FRK: variants seen among roughly 807,000 people sequenced by gnomAD.
The protein encoded by FRK is tyrosine-protein kinase FRK.
In FRK, 51 loss-of-function variants were observed where a neutral mutation model predicts 56.4. That is an observed-to-expected ratio of 0.90 (90% CI 0.72 to 1.14). The LOEUF is 1.14. Ranked by LOEUF, FRK falls within the 50% of genes most tolerant of loss-of-function variation. The pLI, the probability that FRK is intolerant of heterozygous loss-of-function variation, is 0.00. For synonymous variants in FRK, 245 were observed against 217.9 expected (o/e 1.12, Z -1.10); for missense variants, 570 against 601.4 (o/e 0.95, Z 0.55).
Position 116,018,331 on chromosome 6 carries a change from G to C in FRK, c.345-14333C>G, listed in dbSNP as rs534014930. Reference sequence around the variant, plus strand: ...TTATTCTCAGCAGCACAAACAGCCAGAGCTTTGAAAACAGAATTTTCTTTA... The same window carrying C: ...TTATTCTCAGCAGCACAAACAGCCACAGCTTTGAAAACAGAATTTTCTTTA... On this transcript the variant is annotated intron_variant, in intron 1 of 7. Transcript: ENST00000606080. Among the ~76,000 whole-genome samples the C allele has an allele frequency of 3.3e-5, 5 of 152,226 alleles. No homozygotes were observed. The South Asian group carries it at 1.0e-3, about 32-fold the overall frequency.
chr6:115,958,731 GAA>G (rs568715721), intron 4 of FRK, among the ~76,000 whole-genome samples: 1 of 20,294 alleles, frequency 4.9e-5, no homozygotes, highest in African/African-American at 1.8e-4. Context: ...AAGAAAGAAA[GAA>G]AGAAAGAAAG....
At chr6:115,980,996 C>T (rs1157728041) in intron 2 of FRK, among the ~76,000 whole-genome samples, 1 of 151,956 alleles carries the variant, frequency 6.6e-6, no homozygotes, top group Non-Finnish European at 1.5e-5. Context: ...TATGTTTCAG[C>T]ATTATATGCT....
At chr6:115,947,389 T>C (rs1772509966) in intron 5 of FRK, among the ~76,000 whole-genome samples, 1 of 151,968 alleles carries the variant, frequency 6.6e-6, no homozygotes, top group Admixed American at 6.6e-5. Context: ...GCAAGTAGCA[T>C]ATCTCAATAA....
At chr6:115,948,788 T>C (rs991600120) in intron 5 of FRK, among the ~76,000 whole-genome samples, 4 of 152,228 alleles carry the variant, frequency 2.6e-5, no homozygotes, top group African/African-American at 9.6e-5. Flanking sequence ...GGAGCAATGA[T>C]AATCTTTTAA....
Position 115,940,180 on chromosome 6 carries a change from T to A in FRK, c.*2234A>T, listed in dbSNP as rs1354889090. On this transcript the variant is annotated 3_prime_UTR_variant, in exon 8 of 8. Transcript: ENST00000606080. ...GAGGCCTCAGAAATAACACCACACATCTACAACCATCTGATCTTTGACAAA... is the reference window on the plus strand; with the variant it reads ...GAGGCCTCAGAAATAACACCACACAACTACAACCATCTGATCTTTGACAAA... 6.6e-6 allele frequency: 1 copy of A among 152,034 alleles called. No homozygotes were observed. Among genetic ancestry groups the A allele is most frequent in the Non-Finnish European group, 1.5e-5 (1 of 68,024 alleles). The allele number at this position is 152,034 out of a possible 1,614,324, so 9.4% of individuals were successfully genotyped here.
chr6:115,958,758 AGAAAGAAAGAG>A (rs1773187933), intron 4 of FRK, among the ~76,000 whole-genome samples: 1 of 39,670 alleles, frequency 2.5e-5, no homozygotes, highest in Non-Finnish European at 5.5e-5. Flanking sequence ...AAAGAAAGAA[AGAAAGAAAGAG>A]GGGGGGGAAG....
chr6:115,985,575 A>G (rs551674852), intron 2 of FRK, among the ~76,000 whole-genome samples: 3 of 152,174 alleles, frequency 2.0e-5, no homozygotes, highest in South Asian at 4.1e-4. Flanking sequence ...CAGATTCTTT[A>G]CTTTCTAGCT....
chr6:116,052,833 G>A (rs1777230913), intron 1 of FRK, among the ~76,000 whole-genome samples: 1 of 152,152 alleles, frequency 6.6e-6, no homozygotes. Flanking sequence ...AATATTGTGA[G>A]CTCAGACTAG....
chr6:116,039,417 G>T lies in FRK; in HGVS notation c.344+20551C>A, dbSNP rs562511208. On this transcript the variant is annotated intron_variant, in intron 1 of 7. Transcript: ENST00000606080. The stretch of plus-strand genomic sequence containing the variant: ...CAACCTGCAAGGAGCTGGCCAGCCA[G>T]CCTGAAGTGGATGGCTTCCTCGTGG... 1.1e-5 allele frequency: 17 copies of T among 1,572,850 alleles called. No homozygotes were observed. The East Asian group carries it at 1.8e-4, about 17-fold the overall frequency.
chr6:115,976,909 A>G (rs931962937), intron 2 of FRK, among the ~76,000 whole-genome samples: 3 of 152,260 alleles, frequency 2.0e-5, no homozygotes, highest in South Asian at 2.1e-4. Flanking sequence ...GCAGTTCCAA[A>G]GTAATATTTT....
intron 2 of FRK, among the ~76,000 whole-genome samples, chr6:115,997,138 C>T (rs1774871758): frequency 6.6e-6 from 1 of 152,140 alleles, no homozygotes; most frequent in Non-Finnish European, 1.5e-5. Context: ...ATAATTATCA[C>T]ATAAAGTAGT....
intron 2 of FRK, among the ~76,000 whole-genome samples, chr6:115,982,403 A>T (rs1774230742): frequency 6.6e-6 from 1 of 152,170 alleles, no homozygotes; most frequent in Non-Finnish European, 1.5e-5. Context: ...CAATTCCCAT[A>T]ATAAATTTCC....
At chr6:116,070,601 T>C in the FRK span, among the ~76,000 whole-genome samples, 2 of 152,122 alleles carry the variant, frequency 1.3e-5, no homozygotes, top group African/African-American at 2.4e-5. Flanking sequence ...AAAATCCTAA[T>C]GCAAGAAGAA....
intron 2 of FRK, among the ~76,000 whole-genome samples, chr6:115,987,792 G>T (rs1207622472): frequency 6.6e-6 from 1 of 152,052 alleles, no homozygotes; most frequent in African/African-American, 2.4e-5. Flanking sequence ...GTTTGTAAAT[G>T]AATCACAAGT....
At chr6:116,043,835 C>T (rs556857475) in intron 1 of FRK, among the ~76,000 whole-genome samples, 22 of 151,952 alleles carry the variant, frequency 1.4e-4, no homozygotes, top group East Asian at 5.8e-4. Flanking sequence ...ATAGATAGAC[C>T]GCTAGACAGA....
intron 1 of FRK, among the ~76,000 whole-genome samples, chr6:116,030,588 C>A (rs1776270789): frequency 6.6e-6 from 1 of 151,996 alleles, no homozygotes; most frequent in Admixed American, 6.6e-5. Flanking sequence ...ATTGATCATA[C>A]CCACGTGATA....
upstream of FRK, among the ~76,000 whole-genome samples, chr6:116,061,190 A>G (rs1302346905): frequency 2.0e-5 from 3 of 152,170 alleles, no homozygotes; most frequent in Admixed American, 6.5e-5. Context: ...AAATTAAAGT[A>G]TTTAGGTATT....
intron 5 of FRK, among the ~76,000 whole-genome samples, chr6:115,952,861 G>A (rs1243223171): frequency 7.1e-6 from 1 of 141,418 alleles, no homozygotes; most frequent in Non-Finnish European, 1.5e-5. Context: ...TCATAGGTGG[G>A]AATTGAACAA....
At chr6:115,998,569 A>T (rs752528471) in intron 2 of FRK, among the ~76,000 whole-genome samples, 1 of 152,132 alleles carries the variant, frequency 6.6e-6, no homozygotes, top group South Asian at 2.1e-4. Flanking sequence ...TAATTTACAC[A>T]CTGCCACCTT....
Sources: gnomAD v4.1 joint callset for allele counts (sites outside exome capture counted in the v4.1 genomes callset) on GRCh38, gnomAD v4.1.1 for gene constraint, MANE v1.5 for transcripts, NCBI Gene and HGNC (gene_info 2026-07-23, HGNC 2026-07-21) for gene names.